Variants in MON2 observed in about 807,000 individuals in gnomAD.
MON2 encodes the protein MON2 regulator of endosome-to-Golgi trafficking, also known as protein MON2 homolog.
MON2 carries 84 observed loss-of-function variants against 208.6 expected under a neutral mutation model. The observed-to-expected ratio is 0.40, with a 90% CI of 0.34 to 0.48. MON2 has a LOEUF of 0.48. MON2 is among the 20% of genes least tolerant of loss of function. The pLI, the probability that MON2 is intolerant of heterozygous loss-of-function variation, is 0.59. For synonymous variants in MON2, 660 were observed against 694.0 expected (o/e 0.95, Z 0.77); for missense variants, 1,611 against 2,015.4 (o/e 0.80, Z 3.84).
rs1027629690 is a variant in MON2, at chr12:62,553,439, T to G, written c.3210+265T>G. The G allele has an allele frequency of 3.7e-5, 11 of 299,800 alleles. No individual in the cohort carries two copies. In the South Asian group the frequency reaches 4.0e-4, roughly 11 times the overall value. 18.6% of individuals were successfully genotyped at this position (299,800 alleles called of 1,614,324 possible). A position where few individuals can be genotyped will look rare whatever the true frequency, so the allele number is the denominator to read the frequency against. On this transcript the variant is annotated intron_variant, in intron 24 of 34. Coordinates refer to ENST00000393630, the MANE Select transcript of MON2 (RefSeq NM_015026.3). ...GCCTTTGCCTTTCTGTCTCCTTTTT[T>G]TCCCCCAGTTTTCCCAAATGGTAAA...
At chr12:62,552,150 T>C (rs1025553043) in intron 23 of MON2, among the ~76,000 whole-genome samples, 7 of 152,154 alleles carry the variant, frequency 4.6e-5, no homozygotes, top group Non-Finnish European at 8.8e-5. Context: ...TACTACACCA[T>C]TTTATATAAC....
Position 62,597,564 on chromosome 12 carries a change from A to G in MON2, c.*4815A>G, listed in dbSNP as rs977800708. On this transcript the variant is annotated 3_prime_UTR_variant, in exon 35 of 35. Coordinates refer to ENST00000393630, the MANE Select transcript of MON2 (RefSeq NM_015026.3). ...CTGGAAGTGCCATAAAAAACTAAAA[A>G]TAAAAAAAAATTGTGACTATAACTC... 2 of 152,210 alleles carry G rather than the reference A, an allele frequency of 1.3e-5. No individual in the cohort carries two copies. Among genetic ancestry groups the G allele is most frequent in the Non-Finnish European group, 2.9e-5 (2 of 68,036 alleles). 9.4% of individuals were successfully genotyped at this position (152,210 alleles called of 1,614,324 possible).
intron 13 of MON2, 87 bp from the exon 14 acceptor site, chr12:62,535,438 A>T (rs2072920509): frequency 2.0e-6 from 2 of 988,926 alleles, no homozygotes; most frequent in Admixed American, 5.8e-5. Flanking sequence ...TTTTCTTAAA[A>T]TGTCACTGAA....
intron 8 of MON2, among the ~76,000 whole-genome samples, chr12:62,519,650 T>C (rs1413240705): frequency 6.6e-6 from 1 of 152,222 alleles, no homozygotes; most frequent in Non-Finnish European, 1.5e-5. Context: ...TGGATTCTCA[T>C]ATCTTTTGTC....
chr12:62,585,553 G>C (rs984510796), intron 33 of MON2, 52 bp downstream of exon 33: 1 of 1,377,628 alleles, frequency 7.3e-7, no homozygotes, highest in African/African-American at 1.5e-5. Context: ...ACTAATTGTT[G>C]ATAACAAGGA....
rs1324278908 is a variant in MON2, at chr12:62,500,867, A to G, written c.650A>G (p.Tyr217Cys). The G allele has an allele frequency of 1.3e-6, 2 of 1,557,990 alleles. No homozygotes were observed. Among genetic ancestry groups the G allele is most frequent in the Non-Finnish European group, 1.7e-6 (2 of 1,149,078 alleles). Residue 217 changes from tyrosine (Y) to cysteine (C), a missense_variant, in exon 6 of 35, where the codon TAT (tyrosine) becomes TGT (cysteine). Coordinates refer to ENST00000393630, the MANE Select transcript of MON2 (RefSeq NM_015026.3). Reference sequence around the variant, plus strand: ...CTCAAACCTTGTGCTAAAGATGCATATATGCTTTTCCAGGTATTTTAGTTG... The same window carrying G: ...CTCAAACCTTGTGCTAAAGATGCATGTATGCTTTTCCAGGTATTTTAGTTG... ...STLKPCAKDA[Y>C]MLFQDLCQLV...
At chr12:62,570,821 C>T (rs1423578454) in intron 29 of MON2, among the ~76,000 whole-genome samples, 2 of 141,728 alleles carry the variant, frequency 1.4e-5, no homozygotes, top group Non-Finnish European at 3.1e-5. Flanking sequence ...CAACCTCTGC[C>T]TCCCGGGTTC....
chr12:62,587,678 G>A (rs982799443), intron 33 of MON2, among the ~76,000 whole-genome samples: 1 of 152,100 alleles, frequency 6.6e-6, no homozygotes, highest in African/African-American at 2.4e-5. Context: ...AGTCAAGGCT[G>A]CAGTGAGCTG....
At chr12:62,532,364 A>G (rs1162579843) in intron 11 of MON2, 74 bp from the exon 12 acceptor site, 2 of 1,084,820 alleles carry the variant, frequency 1.8e-6, no homozygotes, top group Non-Finnish European at 1.4e-6. Flanking sequence ...TAGTCTGTAA[A>G]TTGTAGAAAA....
intron 11 of MON2, among the ~76,000 whole-genome samples, chr12:62,529,167 A>G (rs771933627): frequency 2.0e-5 from 3 of 152,206 alleles, no homozygotes; most frequent in Non-Finnish European, 2.9e-5. Flanking sequence ...CTTAAATTTC[A>G]TAATCAACAA....
chr12:62,523,075 A>G (rs1364456594), intron 8 of MON2, among the ~76,000 whole-genome samples: 2 of 152,174 alleles, frequency 1.3e-5, no homozygotes, highest in Admixed American at 1.3e-4. Flanking sequence ...ACACACACTT[A>G]TATGCCACTT....
At position 62,553,190 on chromosome 12, in the gene MON2, T is replaced by C. The variant is rs201994937; in HGVS notation, c.3210+16T>C. ...TATCTGGAAGGTATTGTAAAATAGATTGGACTATCAGCTTTTAATGAGTCA... is the reference window on the plus strand; with the variant it reads ...TATCTGGAAGGTATTGTAAAATAGACTGGACTATCAGCTTTTAATGAGTCA... On this transcript the variant is annotated intron_variant, in intron 24 of 34. Transcript: ENST00000393630. 9 of 1,606,094 alleles carry C rather than the reference T, an allele frequency of 5.6e-6. No individual in the cohort carries two copies. In the African/African-American group the frequency reaches 8.0e-5, roughly 14 times the overall value.
intron 1 of MON2, among the ~76,000 whole-genome samples, chr12:62,472,461 A>G (rs1218287912): frequency 2.6e-5 from 4 of 152,336 alleles, no homozygotes; most frequent in East Asian, 1.9e-4. Context: ...AAATAATTTA[A>G]AAGTGCAAGT....
chr12:62,495,362 C>T (rs1371771241), intron 4 of MON2, among the ~76,000 whole-genome samples: 1 of 151,574 alleles, frequency 6.6e-6, no homozygotes, highest in Non-Finnish European at 1.5e-5. Context: ...CCCTTGGGTA[C>T]AGCCAACAGG....
chr12:62,550,206 A>G (rs1397057138), intron 23 of MON2, among the ~76,000 whole-genome samples: 4 of 152,298 alleles, frequency 2.6e-5, no homozygotes, highest in South Asian at 2.1e-4. Flanking sequence ...ATCTTTAGCC[A>G]TGAAAGTCCT....
In MON2 at chr12:62,580,320, G is replaced by C. The variant is rs1172636519; in HGVS notation, c.4599G>C (p.Glu1533Asp). ...DVEVVQLISN[E>D]ILPYANFIPK... ...AGGTAGTTCAACTTATCAGCAATGA[G>C]ATACTACCTTATGCCAATTTTATTC... is the stretch of plus-strand genomic sequence containing the variant. Residue 1533 changes from glutamate to aspartate, a missense_variant, in exon 32 of 35, where the codon GAG (glutamate) becomes GAC (aspartate). Transcript: ENST00000393630. The C allele has an allele frequency of 6.2e-7, 1 of 1,611,084 alleles. No individual in the cohort carries two copies. Among genetic ancestry groups the C allele is most frequent in the Non-Finnish European group, 8.5e-7 (1 of 1,177,952 alleles).
chr12:62,577,298 A>C (rs1459865286), intron 30 of MON2, among the ~76,000 whole-genome samples: 3 of 152,030 alleles, frequency 2.0e-5, no homozygotes, highest in Non-Finnish European at 1.5e-5. Context: ...TGGACACCAG[A>C]ATCTAAGTTC....
At chr12:62,532,290 C>T (rs1381688763) in intron 11 of MON2, 148 bp from the exon 12 acceptor site, 7 of 640,466 alleles carry the variant, frequency 1.1e-5, no homozygotes, top group African/African-American at 3.7e-5. Context: ...AGATCTCTTC[C>T]CTAAATGAAA....
chr12:62,580,147 G>C, intron 31 of MON2, 150 bp from the exon 32 acceptor site: 1 of 712,164 alleles, frequency 1.4e-6, no homozygotes, highest in Admixed American at 2.9e-5. Context: ...TAGTCATTCT[G>C]TATGTTAACA....
Sources: gnomAD v4.1 joint callset for allele counts (sites outside exome capture counted in the v4.1 genomes callset) on GRCh38, gnomAD v4.1.1 for gene constraint, MANE v1.5 for transcripts, NCBI Gene and HGNC (gene_info 2026-07-23, HGNC 2026-07-21) for gene names.